The following TAFA5 variants were observed in gnomAD, a reference collection of about 807,000 sequenced individuals.
TAFA5 encodes chemokine-like protein TAFA-5.
In TAFA5, 6 loss-of-function variants were observed where a neutral mutation model predicts 15.3. That is an observed-to-expected ratio of 0.39 (90% CI 0.21 to 0.77). The LOEUF (loss-of-function observed/expected upper bound fraction) is 0.77, where lower values mean the gene tolerates loss of function less well. Ranked by LOEUF, TAFA5 falls within the 30% of genes least tolerant of loss-of-function variation. TAFA5 has a pLI of 0.41. For synonymous variants in TAFA5, 103 were observed against 80.7 expected (o/e 1.28, Z -1.48); for missense variants, 161 against 193.1 (o/e 0.83, Z 0.98).
chr22:48,729,538 C>A (rs1415629726), intron 3 of TAFA5, among the ~76,000 whole-genome samples: 1 of 148,000 alleles, frequency 6.8e-6, no homozygotes, highest in Non-Finnish European at 1.5e-5. Context: ...GTGCCTCTTA[C>A]ACCAGTCAGT....
At chr22:48,563,266 A>T (rs1285191525) in intron 1 of TAFA5, among the ~76,000 whole-genome samples, 2 of 151,938 alleles carry the variant, frequency 1.3e-5, no homozygotes, top group African/African-American at 2.4e-5. Flanking sequence ...TCCAGCGGGG[A>T]CCACCGTGGG....
In TAFA5 at chr22:48,628,456, C is replaced by T. The variant is rs897400176; in HGVS notation, c.113-18141C>T. Among the ~76,000 whole-genome samples the T allele has an allele frequency of 7.2e-5, 11 of 152,340 alleles. No homozygotes were observed. The South Asian group carries it at 8.3e-4, about 11-fold the overall frequency. Reference sequence around the variant, plus strand: ...AAGATCTCTCCTGTTCAGATCATGTCGCCGATCACAGCTTCCTCTGCAGGT... The same window carrying T: ...AAGATCTCTCCTGTTCAGATCATGTTGCCGATCACAGCTTCCTCTGCAGGT... On this transcript the variant is annotated intron_variant, in intron 1 of 3. Transcript: ENST00000402357.
chr22:48,709,035 A>G (rs1275382310), intron 3 of TAFA5, among the ~76,000 whole-genome samples: 2 of 152,154 alleles, frequency 1.3e-5, no homozygotes, highest in African/African-American at 4.8e-5. Flanking sequence ...TGCTGCAGCC[A>G]GGATGTCAGT....
intron 1 of TAFA5, among the ~76,000 whole-genome samples, chr22:48,617,754 G>A (rs941435267): frequency 6.6e-6 from 1 of 152,188 alleles, no homozygotes; most frequent in Non-Finnish European, 1.5e-5. Flanking sequence ...AGATGTCTGC[G>A]GTGACACGAC....
chr22:48,599,609 G>C (rs548710206), intron 1 of TAFA5, among the ~76,000 whole-genome samples: 1 of 152,222 alleles, frequency 6.6e-6, no homozygotes. Flanking sequence ...GACCCTGTGC[G>C]TGCCAGGAGC....
At chr22:48,668,334 A>G (rs189163599) in intron 2 of TAFA5, among the ~76,000 whole-genome samples, 94 of 7,294 alleles carry the variant, frequency 0.013, 1 homozygote, top group Middle Eastern at 0.083. Context: ...TCAGGGCCGC[A>G]TCTTCACTGG....
At chr22:48,561,165 T>A (rs1285606681) in intron 1 of TAFA5, among the ~76,000 whole-genome samples, 2 of 152,100 alleles carry the variant, frequency 1.3e-5, no homozygotes, top group East Asian at 1.9e-4. Flanking sequence ...AGGGAGCAGC[T>A]GGGCTGATGA....
chr22:48,597,100 G>C (rs28553408), intron 1 of TAFA5, among the ~76,000 whole-genome samples: 54,350 of 152,106 alleles, frequency 0.36, 10,473 homozygotes, highest in East Asian at 0.55. Context: ...AGTCACCACA[G>C]CCGGCCAGTT....
intron 2 of TAFA5, among the ~76,000 whole-genome samples, chr22:48,678,235 A>T (rs1029117577): frequency 3.3e-5 from 5 of 152,066 alleles, no homozygotes; most frequent in African/African-American, 1.2e-4. Flanking sequence ...AAGCTGGGCT[A>T]TAAGGGCCCC....
chr22:48,583,697 A>C (rs1175214160), intron 1 of TAFA5, among the ~76,000 whole-genome samples: 9 of 152,260 alleles, frequency 5.9e-5, no homozygotes, highest in African/African-American at 2.2e-4. Context: ...CAAAATATAC[A>C]CACGCCACAT....
chr22:48,702,807 C>G (rs1049718170), intron 2 of TAFA5, among the ~76,000 whole-genome samples: 1 of 152,242 alleles, frequency 6.6e-6, no homozygotes. Flanking sequence ...GCCCCTTTGT[C>G]CCCGGGACAT....
intron 1 of TAFA5, among the ~76,000 whole-genome samples, chr22:48,630,744 G>T (rs1231553152): frequency 1.3e-5 from 2 of 152,208 alleles, no homozygotes; most frequent in African/African-American, 4.8e-5. Context: ...CCTGAATCAC[G>T]GGGGCGATGA....
chr22:48,591,709 A>AGG (rs113511107), intron 1 of TAFA5, among the ~76,000 whole-genome samples: 12,092 of 152,014 alleles, frequency 0.08, 585 homozygotes, highest in South Asian at 0.2. Context: ...AGCTGGCCTG[A>AGG]GGGAGGGGCC....
intron 1 of TAFA5, among the ~76,000 whole-genome samples, chr22:48,528,172 C>T (rs1026398550): frequency 6.6e-5 from 10 of 152,196 alleles, no homozygotes; most frequent in Non-Finnish European, 1.0e-4. Flanking sequence ...CGCTGAAGTT[C>T]GGAGGTGCCG....
intron 1 of TAFA5, among the ~76,000 whole-genome samples, chr22:48,515,791 G>A (rs924332361): frequency 6.6e-6 from 1 of 152,152 alleles, no homozygotes; most frequent in Non-Finnish European, 1.5e-5. Flanking sequence ...GGGCAAGGCC[G>A]CTGAAGCCAC....
At chr22:48,626,588 T>C (rs1856286059) in intron 1 of TAFA5, among the ~76,000 whole-genome samples, 1 of 152,248 alleles carries the variant, frequency 6.6e-6, no homozygotes, top group Non-Finnish European at 1.5e-5. Context: ...CAGATAACAA[T>C]TCTTCATCGC....
intron 1 of TAFA5, among the ~76,000 whole-genome samples, chr22:48,606,977 G>A (rs1215345349): frequency 6.6e-6 from 1 of 152,220 alleles, no homozygotes. Context: ...CCCATGTCCT[G>A]CATCACTTTC....
At chr22:48,600,894 C>T (rs986269181) in intron 1 of TAFA5, among the ~76,000 whole-genome samples, 1 of 152,078 alleles carries the variant, frequency 6.6e-6, no homozygotes, top group Admixed American at 6.6e-5. Context: ...GGCTTGTGTT[C>T]GAGGTCGGTA....
chr22:48,718,422 G>A (rs1328312746), intron 3 of TAFA5, among the ~76,000 whole-genome samples: 1 of 152,148 alleles, frequency 6.6e-6, no homozygotes, highest in African/African-American at 2.4e-5. Flanking sequence ...TGTCTTGAGG[G>A]AGGATCCACA....
Sources: gnomAD v4.1 joint callset for allele counts (sites outside exome capture counted in the v4.1 genomes callset) on GRCh38, gnomAD v4.1.1 for gene constraint, MANE v1.5 for transcripts, NCBI Gene and HGNC (gene_info 2026-07-23, HGNC 2026-07-21) for gene names.